SYNE2: variants seen among roughly 807,000 people sequenced by gnomAD.
SYNE2 encodes spectrin repeat containing nuclear envelope protein 2, also known as nesprin-2.
A neutral mutation model predicts 856.3 loss-of-function variants in SYNE2; 431 were observed. The ratio of observed to expected loss-of-function variants is 0.50; its 90% CI spans 0.47 to 0.55. SYNE2 has a LOEUF of 0.55. Ranked by LOEUF, SYNE2 falls within the 20% of genes least tolerant of loss-of-function variation. SYNE2 has a pLI of 0.00. For missense variants in SYNE2, 8,129 were observed against 8,023.2 expected, an observed-to-expected ratio of 1.01 and a Z score of -0.50; for synonymous variants, 2,923 against 2,872.3, an observed-to-expected ratio of 1.02 and a Z score of -0.56.
In SYNE2 at chr14:64,021,753, CAGAG is replaced by C. The variant is rs1306526579; in HGVS notation, c.5353-101_5353-98del. On this transcript the variant is annotated intron_variant, in intron 36 of 115. Transcript: ENST00000555002. Reference sequence around the variant, plus strand: ...GCAAAGAGAAAGTGAATCCACTCAACAGAGAGTCATTGAGATTTTTACAAAACAA... The same window carrying C: ...GCAAAGAGAAAGTGAATCCACTCAACAGTCATTGAGATTTTTACAAAACAA... 6 of 1,278,580 alleles carry C rather than the reference CAGAG, an allele frequency of 4.7e-6. No homozygotes were observed. In the African/African-American group the frequency reaches 5.9e-5, roughly 13 times the overall value. The allele number at this position is 1,278,580 out of a possible 1,614,324, so 79.2% of individuals were successfully genotyped here.
At chr14:64,145,226 C>T (rs564575788) in intron 83 of SYNE2, among the ~76,000 whole-genome samples, 6 of 147,048 alleles carry the variant, frequency 4.1e-5, no homozygotes, top group African/African-American at 1.1e-4. Context: ...CACGCCTGGC[C>T]GGGCAGCCTT....
intron 26 of SYNE2, among the ~76,000 whole-genome samples, chr14:63,998,686 T>C (rs1330311999): frequency 1.3e-5 from 2 of 152,122 alleles, no homozygotes; most frequent in African/African-American, 4.8e-5. Context: ...CTCAGCCTCC[T>C]GAGTAGCTGA....
At chr14:64,188,357 T>C (rs142316523) in intron 97 of SYNE2, among the ~76,000 whole-genome samples, 193 bp from the exon 98 acceptor site, 34 of 152,366 alleles carry the variant, frequency 2.2e-4, no homozygotes, top group Non-Finnish European at 4.3e-4. Context: ...TTTGTTATTT[T>C]TTATGACATT....
intron 96 of SYNE2, among the ~76,000 whole-genome samples, chr14:64,184,633 A>C (rs570530544): frequency 5.3e-5 from 8 of 152,296 alleles, no homozygotes; most frequent in African/African-American, 1.4e-4. Context: ...TCAAGTCAGT[A>C]AGTGGTACAC....
At chr14:63,869,174 A>G (rs1166768815) in intron 1 of SYNE2, among the ~76,000 whole-genome samples, 1 of 152,242 alleles carries the variant, frequency 6.6e-6, no homozygotes, top group Non-Finnish European at 1.5e-5. Flanking sequence ...ACTGATGAAA[A>G]GTGTCCCAGA....
At chr14:64,027,986 A>G (rs910658617) in intron 43 of SYNE2, among the ~76,000 whole-genome samples, 193 bp downstream of exon 43, 5 of 151,994 alleles carry the variant, frequency 3.3e-5, no homozygotes, top group African/African-American at 1.2e-4. Context: ...AGCTCACTGC[A>G]GTGTCAACCT....
chr14:64,141,971 A>C lies in SYNE2; in HGVS notation c.15189A>C (p.Lys5063Asn), dbSNP rs2098142550. ...AAATGGAGAAATTGCCGTCTCGTAA[A>C]GCAATCACAGAAATGATTAGCTGGA... Reference protein sequence around the residue: ...QLQMEKLPSRKAITEMISWMN... With the variant: ...QLQMEKLPSRNAITEMISWMN... The change falls in exon 82 of 116, where the codon AAA (lysine) becomes AAC (asparagine). Residue 5063 changes from lysine to asparagine, a missense_variant. By Grantham distance (94) the Lys-to-Asn change is moderately conservative. Transcript: ENST00000555002. The C allele has an allele frequency of 6.2e-7, 1 of 1,614,156 alleles. No individual in the cohort carries two copies. Among genetic ancestry groups the C allele is most frequent in the Admixed American group, 1.7e-5 (1 of 60,032 alleles).
rs2097881817 is a variant in SYNE2, at chr14:64,119,510, T to G, written c.12924T>G (p.Thr4308=). The G allele has an allele frequency of 6.2e-7, 1 of 1,614,064 alleles. No homozygotes were observed. The highest frequency in any genetic ancestry group is 1.3e-5 in the African/African-American group (1 of 74,924). ...AGGGCCTGGGAGATAATGGAGCCAC[T>G]CAACATGAGGCTGAAGCGCTTTCCC... ...KDQGLGDNGA[T]QHEAEALSLK... is the part of the protein sequence containing the mutation. The change falls in exon 67 of 116, where the codon ACT becomes ACG. Residue 4308 remains threonine (T), a synonymous_variant. Coordinates refer to ENST00000555002, the MANE Select transcript of SYNE2 (RefSeq NM_182914.3).
chr14:63,943,053 A>G (rs769023870), intron 6 of SYNE2, among the ~76,000 whole-genome samples: 36 of 152,202 alleles, frequency 2.4e-4, no homozygotes, highest in Non-Finnish European at 4.3e-4. Context: ...ATTGTTTACT[A>G]TGGCAGGGGA....
chr14:63,769,328 A>C (rs1325492425), intron 1 of SYNE2, among the ~76,000 whole-genome samples: 1 of 152,114 alleles, frequency 6.6e-6, no homozygotes, highest in Non-Finnish European at 1.5e-5. Context: ...TAATCCCAGC[A>C]CTTTGGGAGG....
In SYNE2 at chr14:64,212,050, G is replaced by A. The variant is rs767073602; in HGVS notation, c.18813G>A (p.Val6271=). 6.2e-7 allele frequency: 1 copy of A among 1,614,186 alleles called. No homozygotes were observed. Among genetic ancestry groups the A allele is most frequent in the Non-Finnish European group, 8.5e-7 (1 of 1,180,030 alleles). Residue 6271 remains valine, a synonymous_variant, in exon 104 of 116, where the codon GTG becomes GTA. Transcript: ENST00000555002. ...LTEMDLQLTN[V]EHFSESDADD... ...AGATGGACCTGCAGCTGACCAACGT[G>A]GAGCACTTCTCAGAGAGTGACGCCG...
intron 11 of SYNE2, among the ~76,000 whole-genome samples, chr14:63,976,047 G>A (rs959961444): frequency 1.3e-5 from 2 of 152,196 alleles, no homozygotes; most frequent in Admixed American, 1.3e-4. Context: ...GGCTGAAGAA[G>A]GAGGAGATGT....
chr14:63,942,350 G>C (rs980008026), intron 6 of SYNE2, among the ~76,000 whole-genome samples: 2 of 152,046 alleles, frequency 1.3e-5, no homozygotes, highest in South Asian at 2.1e-4. Flanking sequence ...ATGGAGTCTC[G>C]CTCTGTCGGC....
intron 102 of SYNE2, 139 bp downstream of exon 102, chr14:64,209,717 G>A: frequency 1.5e-6 from 2 of 1,313,840 alleles, no homozygotes; most frequent in South Asian, 2.5e-5. Context: ...CCTGCCCCCA[G>A]CTGCTGAGAC....
intron 1 of SYNE2, among the ~76,000 whole-genome samples, chr14:63,868,411 G>A (rs914981808): frequency 6.6e-6 from 1 of 151,252 alleles, no homozygotes; most frequent in African/African-American, 2.4e-5. Flanking sequence ...GGAGGCAGAA[G>A]GTACAGTGAG....
intron 1 of SYNE2, among the ~76,000 whole-genome samples, chr14:63,874,692 C>A (rs909689366): frequency 1.3e-5 from 2 of 152,082 alleles, no homozygotes; most frequent in Non-Finnish European, 2.9e-5. Context: ...ATGGACTTTA[C>A]AAGTGGGTAA....
At chr14:64,039,884 A>G (rs1320659474) in intron 45 of SYNE2, among the ~76,000 whole-genome samples, 1 of 152,202 alleles carries the variant, frequency 6.6e-6, no homozygotes, top group East Asian at 1.9e-4. Context: ...GGCCCTTGAA[A>G]AGCTTGTACC....
chr14:64,218,620 T>TG, intron 109 of SYNE2, 108 bp downstream of exon 109: 2 of 1,069,142 alleles, frequency 1.9e-6, no homozygotes, highest in South Asian at 2.7e-5. Context: ...TCGCCAGAAC[T>TG]GGGGGACTTA....
intron 96 of SYNE2, among the ~76,000 whole-genome samples, chr14:64,180,429 C>A (rs1349715838): frequency 6.6e-6 from 1 of 151,858 alleles, no homozygotes; most frequent in African/African-American, 2.4e-5. Flanking sequence ...TTTTAGTATT[C>A]CTGCTCATGC....
Sources: allele counts gnomAD v4.1 joint callset (sites outside exome capture counted in the v4.1 genomes callset), GRCh38; gene constraint gnomAD v4.1.1; transcripts MANE v1.5; gene names NCBI Gene and HGNC (gene_info 2026-07-23, HGNC 2026-07-21).